The following CNTNAP4 variants were observed in gnomAD, a reference collection of about 807,000 sequenced individuals.
The protein encoded by CNTNAP4 is contactin-associated protein-like 4.
Under a neutral mutation model 148.4 loss-of-function variants are expected in CNTNAP4, and 98 were observed. The ratio of observed to expected loss-of-function variants is 0.66; its 90% confidence interval spans 0.56 to 0.78. The LOEUF is 0.78. Ranked by LOEUF, CNTNAP4 falls within the 30% of genes least tolerant of loss-of-function variation. The pLI is 0.00. For synonymous variants in CNTNAP4, 730 were observed against 565.1 expected, an observed-to-expected ratio of 1.29 and a Z score of -4.14; for missense variants, 1,935 against 1,565.6, an observed-to-expected ratio of 1.24 and a Z score of -3.98.
chr16:76,283,806 T>TA (rs1230175096), intron 1 of CNTNAP4, among the ~76,000 whole-genome samples: 3 of 151,978 alleles, frequency 2.0e-5, no homozygotes, highest in Admixed American at 6.6e-5. Flanking sequence ...CCCCTGAACT[T>TA]AAAAAATAAA....
At chr16:76,399,431 G>A (rs1911242) in intron 3 of CNTNAP4, among the ~76,000 whole-genome samples, 80,464 of 151,946 alleles carry the variant, frequency 0.53, 22,749 homozygotes, top group African/African-American at 0.74. Context: ...TAAAAATATT[G>A]TTTCTCAAAA....
rs533536429 is a variant in CNTNAP4, at chr16:76,447,070, G to A, written c.539-942G>A. On this transcript the variant is annotated intron_variant, in intron 4 of 23. Transcript: ENST00000611870. Reference sequence around the variant, plus strand: ...CGCCTTTAATCGCAGCACTTTGGGTGGCTGAGGTAGGCAGATCGCCTAAAC... The same window carrying A: ...CGCCTTTAATCGCAGCACTTTGGGTAGCTGAGGTAGGCAGATCGCCTAAAC... 2.6e-5 allele frequency among the ~76,000 whole-genome samples: 4 copies of A among 152,276 alleles called. No homozygotes were observed. The East Asian group carries it at 7.7e-4, about 29-fold the overall frequency.
In CNTNAP4 at chr16:76,483,231, AACACACACACACAC is replaced by A. The variant is rs59206208; in HGVS notation, c.1882+3727_1882+3740del. Among the ~76,000 whole-genome samples the A allele has an allele frequency of 1.8e-3, 253 of 140,110 alleles. 1 individual carries two copies. Among genetic ancestry groups the A allele is most frequent in the Admixed American group, 5.4e-3 (76 of 14,042 alleles). 91.9% of individuals were successfully genotyped at this position (140,110 alleles called of 152,430 possible). A position where few individuals can be genotyped will look rare whatever the true frequency, so the allele number is the denominator to read the frequency against. ...ATCTCTAGTCTTTGAAGTTTTAAGA[AACACACACACACAC>A]ACACACACACACACACACACACACA... On this transcript the variant is annotated intron_variant, in intron 12 of 23. Transcript: ENST00000611870.
chr16:76,398,678 A>G (rs1367990652), intron 3 of CNTNAP4, among the ~76,000 whole-genome samples: 2 of 152,130 alleles, frequency 1.3e-5, no homozygotes, highest in Non-Finnish European at 1.5e-5. Flanking sequence ...CCCACCATCA[A>G]TACGTGAGTT....
Position 76,553,877 on chromosome 16 carries a change from G to A in CNTNAP4, c.3703G>A (p.Ala1235Thr), listed in dbSNP as rs754763291. The change falls in exon 23 of 24, where the codon GCA becomes ACA. Residue 1235 changes from alanine to threonine, a missense_variant. Transcript: ENST00000611870. Reference sequence around the variant, plus strand: ...AGATGACAGAGAGCCCCTTGCTAATGCAATCAAAAGTGACTCTGCAGTAAT... The same window carrying A: ...AGATGACAGAGAGCCCCTTGCTAATACAATCAAAAGTGACTCTGCAGTAAT... Reference protein sequence around the residue: ...TIDDREPLANAIKSDSAVIGG... With the variant: ...TIDDREPLANTIKSDSAVIGG... 5.6e-6 allele frequency: 9 copies of A among 1,611,600 alleles called. No homozygotes were observed. In the South Asian group the frequency reaches 9.9e-5, roughly 18 times the overall value.
At chr16:76,376,008 A>G (rs1396302051) in intron 3 of CNTNAP4, among the ~76,000 whole-genome samples, 1 of 152,132 alleles carries the variant, frequency 6.6e-6, no homozygotes, top group Non-Finnish European at 1.5e-5. Flanking sequence ...ATACACATGA[A>G]AGAGTTTGTG....
chr16:76,358,398 A>G (rs1286973656), intron 3 of CNTNAP4, among the ~76,000 whole-genome samples: 3 of 152,202 alleles, frequency 2.0e-5, no homozygotes, highest in African/African-American at 7.2e-5. Context: ...GAGCAAAACA[A>G]AGAAAGATTA....
chr16:76,475,815 C>A, intron 10 of CNTNAP4, 124 bp from the exon 11 acceptor site: 1 of 642,206 alleles, frequency 1.6e-6, no homozygotes, highest in South Asian at 2.0e-5. Context: ...TAACAACAGA[C>A]TGAAGCATCA....
intron 15 of CNTNAP4, among the ~76,000 whole-genome samples, chr16:76,513,072 T>C (rs901372145): frequency 6.6e-6 from 1 of 151,498 alleles, no homozygotes; most frequent in African/African-American, 2.4e-5. Flanking sequence ...ATCACGAGAG[T>C]GGGGTTTCTG....
chr16:76,450,038 T>G (rs1419206190), intron 7 of CNTNAP4, among the ~76,000 whole-genome samples, 180 bp downstream of exon 7: 1 of 152,206 alleles, frequency 6.6e-6, no homozygotes, highest in Non-Finnish European at 1.5e-5. Context: ...ATTATAATTT[T>G]GGGGGCATAA....
At chr16:76,327,008 G>C (rs1210442817) in intron 2 of CNTNAP4, among the ~76,000 whole-genome samples, 2 of 151,962 alleles carry the variant, frequency 1.3e-5, no homozygotes, top group Non-Finnish European at 2.9e-5. Context: ...ACCCATATGA[G>C]AGATGGTTAA....
chr16:76,300,634 T>C (rs2143928658), intron 1 of CNTNAP4, among the ~76,000 whole-genome samples: 1 of 152,314 alleles, frequency 6.6e-6, no homozygotes, highest in Middle Eastern at 3.4e-3. Flanking sequence ...TCTCTGACCT[T>C]CAATTTTTCA....
intron 15 of CNTNAP4, among the ~76,000 whole-genome samples, chr16:76,504,800 G>C (rs530389872): frequency 7.2e-5 from 11 of 151,996 alleles, no homozygotes; most frequent in Non-Finnish European, 1.2e-4. Context: ...ATGGGCAAAA[G>C]ATTTGCACAT....
chr16:76,523,824 A>G (rs9941180), intron 17 of CNTNAP4, among the ~76,000 whole-genome samples: 151,881 of 152,268 alleles, frequency 1, 75,748 homozygotes, highest in Middle Eastern at 1. Flanking sequence ...CCCAGCGTTC[A>G]AGAAGCTGAG....
At chr16:76,342,059 T>C (rs1964510394) in intron 2 of CNTNAP4, among the ~76,000 whole-genome samples, 1 of 152,232 alleles carries the variant, frequency 6.6e-6, no homozygotes, top group Non-Finnish European at 1.5e-5. Flanking sequence ...TATGTCAGCA[T>C]AGCAGAAGCA....
At chr16:76,448,663 G>A in intron 5 of CNTNAP4, 104 bp from the exon 6 acceptor site, 2 of 785,624 alleles carry the variant, frequency 2.5e-6, no homozygotes, top group Admixed American at 6.4e-5. Flanking sequence ...ATGCGTAGAA[G>A]GAGATTGCAA....
chr16:76,541,266 T>G (rs890681965), intron 21 of CNTNAP4, among the ~76,000 whole-genome samples: 2 of 152,224 alleles, frequency 1.3e-5, no homozygotes, highest in African/African-American at 4.8e-5. Flanking sequence ...AATGTTGCCC[T>G]TGGCAGCCAC....
At chr16:76,362,421 C>A (rs1020419660) in intron 3 of CNTNAP4, among the ~76,000 whole-genome samples, 5 of 152,172 alleles carry the variant, frequency 3.3e-5, no homozygotes, top group Non-Finnish European at 7.4e-5. Context: ...TTATATAAAA[C>A]CAGAAATTTA....
intron 9 of CNTNAP4, among the ~76,000 whole-genome samples, chr16:76,465,197 C>G (rs1219734455): frequency 1.3e-5 from 2 of 152,170 alleles, no homozygotes; most frequent in African/African-American, 4.8e-5. Flanking sequence ...ATGGATCCAT[C>G]CATTAATTCA....
Sources: allele counts gnomAD v4.1 joint callset (sites outside exome capture counted in the v4.1 genomes callset), GRCh38; gene constraint gnomAD v4.1.1; transcripts MANE v1.5; gene names NCBI Gene and HGNC (gene_info 2026-07-23, HGNC 2026-07-21).